Variants in LINGO2 observed in about 807,000 individuals in gnomAD.
The protein encoded by LINGO2 is leucine-rich repeat and immunoglobulin-like domain-containing nogo receptor-interacting protein 2.
A neutral mutation model predicts 30.6 loss-of-function variants in LINGO2; 14 were observed. That is an observed-to-expected ratio of 0.46 (90% CI 0.30 to 0.72). LINGO2 has a LOEUF of 0.72. Ranked by LOEUF, LINGO2 falls within the 30% of genes least tolerant of loss-of-function variation. LINGO2 has a pLI of 0.07. For synonymous variants in LINGO2, 317 were observed against 288.5 expected, an observed-to-expected ratio of 1.10 and a Z score of -1.00; for missense variants, 729 against 751.7, an observed-to-expected ratio of 0.97 and a Z score of 0.35.
chr9:28,642,122 A>G (rs1211360122), intron 1 of LINGO2, among the ~76,000 whole-genome samples: 1 of 151,956 alleles, frequency 6.6e-6, no homozygotes, highest in Non-Finnish European at 1.5e-5. Flanking sequence ...ATAAAAATTA[A>G]CATACACTTT....
chr9:28,108,319 T>C (rs1419086107), intron 4 of LINGO2, among the ~76,000 whole-genome samples: 3 of 152,084 alleles, frequency 2.0e-5, no homozygotes, highest in Non-Finnish European at 2.9e-5. Flanking sequence ...CAGATAAAAT[T>C]ACCTTTGAAG....
At chr9:27,959,846 A>G (rs1210678747) in intron 5 of LINGO2, among the ~76,000 whole-genome samples, 3 of 152,134 alleles carry the variant, frequency 2.0e-5, no homozygotes, top group African/African-American at 7.2e-5. Flanking sequence ...AAGTTATGTT[A>G]TCAATTCCTG....
At chr9:28,517,942 A>C (rs1820686553) in intron 1 of LINGO2, among the ~76,000 whole-genome samples, 1 of 152,178 alleles carries the variant, frequency 6.6e-6, no homozygotes, top group Non-Finnish European at 1.5e-5. Flanking sequence ...AGAACTTTTA[A>C]ATTTGTTCGA....
intron 4 of LINGO2, among the ~76,000 whole-genome samples, chr9:28,150,000 T>C (rs1018703368): frequency 1.3e-5 from 2 of 149,628 alleles, no homozygotes; most frequent in Non-Finnish European, 1.5e-5. Context: ...CGCTGTCCTG[T>C]CTGCGAAGTG....
intron 4 of LINGO2, among the ~76,000 whole-genome samples, chr9:28,161,605 C>G (rs1294371743): frequency 6.6e-6 from 1 of 151,954 alleles, no homozygotes; most frequent in East Asian, 1.9e-4. Flanking sequence ...GTATAATTCT[C>G]CATCTCGATG....
chr9:28,698,715 C>T, the LINGO2 span, among the ~76,000 whole-genome samples: 24 of 151,912 alleles, frequency 1.6e-4, no homozygotes, highest in East Asian at 4.6e-3. Flanking sequence ...TACCCCTTGT[C>T]CCCCACACAC....
chr9:28,891,089 A>G, the LINGO2 span, among the ~76,000 whole-genome samples: 1 of 152,090 alleles, frequency 6.6e-6, no homozygotes, highest in East Asian at 1.9e-4. Context: ...TCACAGATGC[A>G]GATATACAAA....
the LINGO2 span, among the ~76,000 whole-genome samples, chr9:29,163,856 C>G: frequency 2.0e-5 from 3 of 152,282 alleles, no homozygotes; most frequent in South Asian, 4.1e-4. Context: ...TACCTCCCAT[C>G]TTACATGTTA....
chr9:28,630,611 T>C (rs896596645), intron 1 of LINGO2, among the ~76,000 whole-genome samples: 2 of 152,106 alleles, frequency 1.3e-5, no homozygotes, highest in African/African-American at 4.8e-5. Context: ...TGGTCTACTT[T>C]CATACAGGGA....
the LINGO2 span, among the ~76,000 whole-genome samples, chr9:29,007,583 AG>A: frequency 6.6e-6 from 1 of 152,070 alleles, no homozygotes; most frequent in African/African-American, 2.4e-5. Context: ...CCTGGTGGCT[AG>A]GACAGAAAGA....
At chr9:28,747,173 T>A in the LINGO2 span, among the ~76,000 whole-genome samples, 340 of 151,488 alleles carry the variant, frequency 2.2e-3, 8 homozygotes, top group African/African-American at 7.4e-3. Flanking sequence ...GAGGAGGAGA[T>A]GAAGAGAGAG....
At chr9:28,269,040 C>G (rs999141169) in intron 4 of LINGO2, among the ~76,000 whole-genome samples, 3 of 152,072 alleles carry the variant, frequency 2.0e-5, no homozygotes, top group Non-Finnish European at 4.4e-5. Flanking sequence ...TGCATAACCT[C>G]TTTTTCTCTC....
Position 28,575,741 on chromosome 9 carries a change from G to A in LINGO2, c.-365+94459C>T, listed in dbSNP as rs75011727. Among the ~76,000 whole-genome samples, 457 of 152,052 alleles carry A rather than the reference G, an allele frequency of 3.0e-3. 2 individuals carry two copies. Among genetic ancestry groups the A allele is most frequent in the African/African-American group, 0.01 (435 of 41,486 alleles). The stretch of plus-strand genomic sequence containing the variant: ...ACAGAAATCTTAAGAATACAAATAC[G>A]TCTTATTTTGGATAGATAAGATAGG... On this transcript the variant is annotated intron_variant, in intron 1 of 5. Transcript: ENST00000379992.
the LINGO2 span, among the ~76,000 whole-genome samples, chr9:29,129,677 C>T: frequency 1.3e-5 from 2 of 151,746 alleles, no homozygotes; most frequent in Admixed American, 6.6e-5. Context: ...TCAGAGGTTA[C>T]GTAAAAGTTA....
chr9:28,769,477 TA>T, the LINGO2 span, among the ~76,000 whole-genome samples: 65 of 1,664 alleles, frequency 0.039, 7 homozygotes, highest in African/African-American at 0.068. Flanking sequence ...TATATATATA[TA>T]TATATATATA....
At chr9:27,960,991 T>C (rs1343404364) in intron 5 of LINGO2, among the ~76,000 whole-genome samples, 14 of 152,198 alleles carry the variant, frequency 9.2e-5, no homozygotes. Context: ...GGTCGATTTA[T>C]AATTTTTCAA....
chr9:29,040,094 A>G, the LINGO2 span, among the ~76,000 whole-genome samples: 1,334 of 152,224 alleles, frequency 8.8e-3, 20 homozygotes, highest in African/African-American at 0.03. Flanking sequence ...TTTGTTCCCT[A>G]ATTCTGGTCA....
intron 4 of LINGO2, among the ~76,000 whole-genome samples, chr9:28,131,690 G>T (rs912016699): frequency 6.6e-6 from 1 of 152,078 alleles, no homozygotes; most frequent in Non-Finnish European, 1.5e-5. Context: ...CCAGGTAGAA[G>T]CCCTTAATAC....
At chr9:28,963,605 G>A in the LINGO2 span, among the ~76,000 whole-genome samples, 12 of 146,122 alleles carry the variant, frequency 8.2e-5, no homozygotes, top group Non-Finnish European at 1.8e-4. Context: ...TCATAAAAAA[G>A]AATGAAATCC....
Sources: allele counts gnomAD v4.1 joint callset (sites outside exome capture counted in the v4.1 genomes callset), GRCh38; gene constraint gnomAD v4.1.1; transcripts MANE v1.5; gene names NCBI Gene and HGNC (gene_info 2026-07-23, HGNC 2026-07-21).